The following METTL4 variants were observed in gnomAD, a reference collection of about 807,000 sequenced individuals.
METTL4 encodes the protein N(6)-adenine-specific methyltransferase METTL4.
A neutral mutation model predicts 54.0 loss-of-function variants in METTL4; 40 were observed. The ratio of observed to expected loss-of-function variants is 0.74; its 90% CI spans 0.58 to 0.96. The LOEUF (loss-of-function observed/expected upper bound fraction) is 0.96, where lower values mean the gene tolerates loss of function less well. Ranked by LOEUF, METTL4 falls within the 50% of genes least tolerant of loss-of-function variation. METTL4 has a pLI of 0.00. For missense variants in METTL4, 525 were observed against 549.0 expected (o/e 0.96, Z 0.44); for synonymous variants, 169 against 183.8 (o/e 0.92, Z 0.65).
intron 5 of METTL4, among the ~76,000 whole-genome samples, chr18:2,550,293 A>G (rs2072134962): frequency 6.6e-6 from 1 of 152,218 alleles, no homozygotes; most frequent in African/African-American, 2.4e-5. Flanking sequence ...CATGGAAATC[A>G]CTGAGCAAAT....
At position 2,538,983 on chromosome 18, in the gene METTL4, T is replaced by A; in HGVS notation, c.*17A>T. On this transcript the variant is annotated 3_prime_UTR_variant, in exon 9 of 9. Coordinates refer to ENST00000574538, the MANE Select transcript of METTL4 (RefSeq NM_022840.5). Reference sequence around the variant, plus strand: ...GAGGAAACAATGAAGAAACCACTACTTTAATCAAGATCATAGTCAGCTTCC... The same window carrying A: ...GAGGAAACAATGAAGAAACCACTACATTAATCAAGATCATAGTCAGCTTCC... 2 of 1,611,074 alleles carry A rather than the reference T, an allele frequency of 1.2e-6. No individual in the cohort carries two copies. Among genetic ancestry groups the A allele is most frequent in the African/African-American group, 2.7e-5 (2 of 74,810 alleles).
Position 2,544,225 on chromosome 18 carries a change from T to A in METTL4, c.1243A>T (p.Thr415Ser). The A allele has an allele frequency of 6.2e-7, 1 of 1,613,168 alleles. No individual in the cohort carries two copies. Among genetic ancestry groups the A allele is most frequent in the Non-Finnish European group, 8.5e-7 (1 of 1,179,680 alleles). Residue 415 changes from threonine (T) to serine (S), a missense_variant, in exon 8 of 9, where the codon ACT becomes TCT. Physicochemically the swap from Thr to Ser is moderately conservative, Grantham distance 58. Coordinates refer to ENST00000574538, the MANE Select transcript of METTL4 (RefSeq NM_022840.5). ...DHKLIVSVPC[T>S]LHSHKPPLAE... The stretch of plus-strand genomic sequence containing the variant: ...AGCGGTGGCTTATGTGAGTGAAGAG[T>A]ACAGGGCACGCTGACAATTAATTTG...
At position 2,566,099 on chromosome 18, in the gene METTL4, CAAAT is replaced by C. The variant is rs756337810; in HGVS notation, c.396+718_396+721del. 9.5e-4 allele frequency among the ~76,000 whole-genome samples: 142 copies of C among 149,014 alleles called. 1 individual carries two copies. Among genetic ancestry groups the C allele is most frequent in the Admixed American group, 2.1e-3 (31 of 14,984 alleles). On this transcript the variant is annotated intron_variant, in intron 2 of 8. Transcript: ENST00000574538. ...TAAATAAATAAATAAATAAAATAAA[CAAAT>C]AAATAAAAATAAGTAAAAAAGACAA...
At chr18:2,562,468 T>C (rs569212044) in intron 3 of METTL4, among the ~76,000 whole-genome samples, 54 of 152,280 alleles carry the variant, frequency 3.5e-4, no homozygotes, top group Non-Finnish European at 5.3e-4. Context: ...CAGATACTTG[T>C]ACACCAATGT....
chr18:2,552,807 G>C (rs763514474), intron 4 of METTL4, 43 bp from the exon 5 acceptor site: 1 of 1,328,030 alleles, frequency 7.5e-7, no homozygotes, highest in Admixed American at 1.8e-5. Flanking sequence ...TTCTCTATGT[G>C]ATCACTTTAA....
intron 5 of METTL4, among the ~76,000 whole-genome samples, chr18:2,550,621 C>T (rs559034478): frequency 1.3e-5 from 2 of 152,284 alleles, no homozygotes; most frequent in South Asian, 4.1e-4. Context: ...AGGTAGTTTC[C>T]AAAGCCACCC....
chr18:2,556,975 C>G (rs2072248146), intron 3 of METTL4, among the ~76,000 whole-genome samples: 1 of 152,036 alleles, frequency 6.6e-6, no homozygotes. Flanking sequence ...CAAAGAGAAA[C>G]AGTAGCAAGA....
chr18:2,549,652 A>G (rs2072122223), intron 5 of METTL4, among the ~76,000 whole-genome samples: 1 of 151,982 alleles, frequency 6.6e-6, no homozygotes, highest in Non-Finnish European at 1.5e-5. Flanking sequence ...CTAGCATGTG[A>G]CAACTGTATG....
intron 6 of METTL4, 51 bp from the exon 7 acceptor site, chr18:2,544,810 A>G (rs1437136359): frequency 8.6e-7 from 1 of 1,162,204 alleles, no homozygotes; most frequent in Non-Finnish European, 1.3e-6. Flanking sequence ...ATCACTATAG[A>G]GCTTCCACAC....
chr18:2,542,029 C>T (rs1229098386), intron 8 of METTL4, among the ~76,000 whole-genome samples: 1 of 152,134 alleles, frequency 6.6e-6, no homozygotes, highest in Middle Eastern at 3.4e-3. Flanking sequence ...ACTACTTAAC[C>T]AAAACATAAG....
At chr18:2,549,186 A>T (rs2072115585) in intron 5 of METTL4, among the ~76,000 whole-genome samples, 1 of 152,182 alleles carries the variant, frequency 6.6e-6, no homozygotes, top group African/African-American at 2.4e-5. Flanking sequence ...TTCCTCTTAA[A>T]GGAAATGGCA....
At chr18:2,565,652 C>T (rs2072398440) in intron 2 of METTL4, among the ~76,000 whole-genome samples, 1 of 151,978 alleles carries the variant, frequency 6.6e-6, no homozygotes, top group Admixed American at 6.6e-5. Context: ...TCTTCTTCAC[C>T]GAATTATAAG....
intron 1 of METTL4, among the ~76,000 whole-genome samples, chr18:2,569,465 C>T (rs12957410): frequency 6.6e-6 from 1 of 152,140 alleles, no homozygotes; most frequent in African/African-American, 2.4e-5. Flanking sequence ...GGAGTCTCCG[C>T]CTTCTCCCCC....
chr18:2,543,186 C>A (rs1478445190), intron 8 of METTL4, among the ~76,000 whole-genome samples: 1 of 151,696 alleles, frequency 6.6e-6, no homozygotes, highest in Non-Finnish European at 1.5e-5. Flanking sequence ...ATCCTAAGTG[C>A]TAGCAATAAA....
chr18:2,564,178 A>T (rs953145596), intron 2 of METTL4, among the ~76,000 whole-genome samples: 1 of 151,764 alleles, frequency 6.6e-6, no homozygotes, highest in Non-Finnish European at 1.5e-5. Context: ...CCAAGGCGGG[A>T]GGATCACGAG....
intron 4 of METTL4, chr18:2,553,332 T>A (rs1429136299): frequency 6.6e-6 from 1 of 152,242 alleles, no homozygotes; most frequent in Non-Finnish European, 1.5e-5. Flanking sequence ...CCAATTATTT[T>A]ATAGGATGTC....
rs540438777 is a variant in METTL4, at chr18:2,557,002, G to A, written c.460-1964C>T. 3.3e-5 allele frequency among the ~76,000 whole-genome samples: 5 copies of A among 152,210 alleles called. No individual in the cohort carries two copies. The South Asian group carries it at 6.2e-4, about 19-fold the overall frequency. The stretch of plus-strand genomic sequence containing the variant: ...GTAGCAAGAGCTTTTAAAACATTAG[G>A]CAAGGAAGGACAGTAGCCCTAAGCA... On this transcript the variant is annotated intron_variant, in intron 3 of 8. Coordinates refer to ENST00000574538, the MANE Select transcript of METTL4 (RefSeq NM_022840.5).
chr18:2,564,449 T>C (rs2072372703), intron 2 of METTL4, among the ~76,000 whole-genome samples: 1 of 152,224 alleles, frequency 6.6e-6, no homozygotes, highest in Non-Finnish European at 1.5e-5. Context: ...TATCACTTTA[T>C]ATATGGTATA....
chr18:2,540,471 C>T, intron 8 of METTL4: 1 of 984,636 alleles, frequency 1.0e-6, no homozygotes, highest in Non-Finnish European at 1.2e-6. Context: ...TCATGTTCTT[C>T]AGTTGCTCTC....
Sources: gnomAD v4.1 joint callset for allele counts (sites outside exome capture counted in the v4.1 genomes callset) on GRCh38, gnomAD v4.1.1 for gene constraint, MANE v1.5 for transcripts, NCBI Gene and HGNC (gene_info 2026-07-23, HGNC 2026-07-21) for gene names.